DOCK3: variants seen among roughly 807,000 people sequenced by gnomAD.
The protein encoded by DOCK3 is dedicator of cytokinesis protein 3.
Under a neutral mutation model 265.6 loss-of-function variants are expected in DOCK3, and 60 were observed. The ratio of observed to expected loss-of-function variants is 0.23; its 90% CI spans 0.18 to 0.28. The LOEUF is 0.28. Among genes scored for constraint, DOCK3 ranks in the 10% least tolerant of loss-of-function variants. The probability of loss-of-function intolerance (pLI) is 1.00; values close to 1 mark genes in which losing one functional copy is unlikely to be tolerated. For synonymous variants in DOCK3, 881 were observed against 938.0 expected (o/e 0.94, Z 1.11); for missense variants, 1,981 against 2,594.3 (o/e 0.76, Z 5.14).
chr3:51,006,108 C>A (rs2078666262), intron 5 of DOCK3, among the ~76,000 whole-genome samples: 1 of 152,164 alleles, frequency 6.6e-6, no homozygotes, highest in African/African-American at 2.4e-5. Context: ...TTCTGTCTGC[C>A]TAGAATACTC....
intron 3 of DOCK3, among the ~76,000 whole-genome samples, chr3:50,860,279 G>A (rs772633806): frequency 2.6e-4 from 39 of 152,192 alleles, no homozygotes; most frequent in South Asian, 2.1e-4. Flanking sequence ...GATAGGAAGG[G>A]CACTTCCATT....
chr3:50,898,065 C>CT (rs1422614049), intron 4 of DOCK3, among the ~76,000 whole-genome samples: 1 of 125,386 alleles, frequency 8.0e-6, no homozygotes, highest in African/African-American at 3.1e-5. Context: ...ACCAGCTCCT[C>CT]TTTGTACCCC....
intron 9 of DOCK3, among the ~76,000 whole-genome samples, chr3:51,108,707 T>G (rs911568916): frequency 2.0e-5 from 3 of 151,898 alleles, no homozygotes; most frequent in African/African-American, 7.3e-5. Context: ...ACCAAGCAAA[T>G]GGAAAACAGA....
chr3:50,795,591 A>C (rs1322719425), intron 2 of DOCK3, among the ~76,000 whole-genome samples: 5 of 152,194 alleles, frequency 3.3e-5, no homozygotes, highest in Admixed American at 1.3e-4. Flanking sequence ...CATGTTGGCA[A>C]GGATGGCCTT....
At chr3:51,069,341 C>T (rs553307187) in intron 6 of DOCK3, among the ~76,000 whole-genome samples, 1 of 151,984 alleles carries the variant, frequency 6.6e-6, no homozygotes, top group East Asian at 1.9e-4. Flanking sequence ...TTTAATTTAA[C>T]TTAATATTTT....
intron 40 of DOCK3, among the ~76,000 whole-genome samples, chr3:51,353,597 G>T (rs1347143684): frequency 6.6e-6 from 1 of 152,090 alleles, no homozygotes; most frequent in Non-Finnish European, 1.5e-5. Context: ...GGGCAAGAGA[G>T]TGAGACTCTT....
intron 2 of DOCK3, among the ~76,000 whole-genome samples, chr3:50,785,905 A>C (rs1181015694): frequency 6.7e-6 from 1 of 149,936 alleles, no homozygotes; most frequent in Non-Finnish European, 1.5e-5. Context: ...TGAATGGCTG[A>C]TAGAATTCAG....
At chr3:50,721,063 T>A (rs2037451306) in intron 1 of DOCK3, among the ~76,000 whole-genome samples, 1 of 152,164 alleles carries the variant, frequency 6.6e-6, no homozygotes, top group African/African-American at 2.4e-5. Context: ...GTTTTTTGCT[T>A]GTTAATTTGT....
At chr3:51,122,901 C>T (rs1049481072) in intron 9 of DOCK3, among the ~76,000 whole-genome samples, 3 of 152,174 alleles carry the variant, frequency 2.0e-5, no homozygotes, top group Non-Finnish European at 2.9e-5. Context: ...AGATTGCATG[C>T]GCACACAGAC....
At chr3:50,950,787 T>A (rs2076568612) in intron 5 of DOCK3, among the ~76,000 whole-genome samples, 1 of 152,176 alleles carries the variant, frequency 6.6e-6, no homozygotes, top group Admixed American at 6.5e-5. Context: ...GGAAATCTGA[T>A]GCTAAAATGC....
chr3:50,913,793 C>T (rs2049981392), intron 4 of DOCK3, among the ~76,000 whole-genome samples: 1 of 152,060 alleles, frequency 6.6e-6, no homozygotes. Flanking sequence ...CAGGAACCCT[C>T]TCTGTACTAC....
At chr3:50,858,521 G>C (rs563737401) in intron 3 of DOCK3, among the ~76,000 whole-genome samples, 1 of 152,032 alleles carries the variant, frequency 6.6e-6, no homozygotes, top group Non-Finnish European at 1.5e-5. Flanking sequence ...GACGTCTGCT[G>C]TTGCCCTGAT....
intron 2 of DOCK3, among the ~76,000 whole-genome samples, chr3:50,817,755 CTCTT>C (rs1262407403): frequency 6.6e-6 from 1 of 151,750 alleles, no homozygotes; most frequent in Admixed American, 6.6e-5. Context: ...TCTTCCTCAA[CTCTT>C]TCTGTTTTGA....
In DOCK3 at chr3:51,009,454, G is replaced by A. The variant is rs371480248; in HGVS notation, c.316-54994G>A. On this transcript the variant is annotated intron_variant, in intron 5 of 52. Coordinates refer to ENST00000266037, the MANE Select transcript of DOCK3 (RefSeq NM_004947.5). ...TGGTAGTTTGTATTTCTTTGGGATC[G>A]ATGGTGATAACCCCTTTATCGTTTT... Among the ~76,000 whole-genome samples, 254 of 152,198 alleles carry A rather than the reference G, an allele frequency of 1.7e-3. 2 individuals are homozygous for A. The highest frequency in any genetic ancestry group is 8.5e-3 in the East Asian group (44 of 5,184).
chr3:51,079,802 T>G (rs1396846461), intron 7 of DOCK3, among the ~76,000 whole-genome samples: 1 of 152,226 alleles, frequency 6.6e-6, no homozygotes, highest in Non-Finnish European at 1.5e-5. Context: ...ACTATTTGTG[T>G]TAATCTTAGC....
At chr3:51,310,451 G>C (rs1576753640) in intron 28 of DOCK3, 125 bp downstream of exon 28, 1 of 857,484 alleles carries the variant, frequency 1.2e-6, no homozygotes, top group East Asian at 2.7e-5. Context: ...GAACAGAGAG[G>C]AGAGGGCAAA....
intron 3 of DOCK3, among the ~76,000 whole-genome samples, chr3:50,842,056 A>G (rs1405442660): frequency 1.3e-5 from 2 of 152,172 alleles, no homozygotes; most frequent in African/African-American, 4.8e-5. Flanking sequence ...ATTGTTTCTA[A>G]AAGCACAATG....
In DOCK3 at chr3:51,130,109, C is replaced by T. The variant is rs572824869; in HGVS notation, c.747-16440C>T. Among the ~76,000 whole-genome samples, 4 of 152,354 alleles carry T rather than the reference C, an allele frequency of 2.6e-5. No homozygotes were observed. In the South Asian group the frequency reaches 6.2e-4, roughly 24 times the overall value. Reference sequence around the variant, plus strand: ...CACCACTGGACTCCTAGAAATTTTACTGAGGTAGAAGTTCCCTGAATTTTG... The same window carrying T: ...CACCACTGGACTCCTAGAAATTTTATTGAGGTAGAAGTTCCCTGAATTTTG... On this transcript the variant is annotated intron_variant, in intron 9 of 52. Transcript: ENST00000266037.
intron 21 of DOCK3, among the ~76,000 whole-genome samples, chr3:51,245,590 A>T (rs1304879706): frequency 6.6e-6 from 1 of 151,794 alleles, no homozygotes; most frequent in African/African-American, 2.4e-5. Context: ...ATGGGGTTTC[A>T]CTATGTTGGC....
Sources: gnomAD v4.1 joint callset for allele counts (sites outside exome capture counted in the v4.1 genomes callset) on GRCh38, gnomAD v4.1.1 for gene constraint, MANE v1.5 for transcripts, NCBI Gene and HGNC (gene_info 2026-07-23, HGNC 2026-07-21) for gene names.